RANBP2: variants seen among roughly 807,000 people sequenced by gnomAD.
RANBP2 encodes the protein RAN binding protein 2, also known as E3 SUMO-protein ligase RanBP2.
Under a neutral mutation model 303.6 loss-of-function variants are expected in RANBP2, and 57 were observed. That is an observed-to-expected ratio of 0.19 (90% CI 0.15 to 0.23). The LOEUF (loss-of-function observed/expected upper bound fraction) is 0.23, where lower values mean the gene tolerates loss of function less well. RANBP2 is among the 10% of genes least tolerant of loss of function. The pLI, the probability that RANBP2 is intolerant of heterozygous loss-of-function variation, is 1.00. For missense variants in RANBP2, 3,138 were observed against 3,780.8 expected, an observed-to-expected ratio of 0.83 and a Z score of 4.46; for synonymous variants, 1,167 against 1,301.5, an observed-to-expected ratio of 0.90 and a Z score of 2.23.
Position 108,782,116 on chromosome 2 carries a change from CT to C in RANBP2, c.8761-11del. Reference sequence around the variant, plus strand: ...AGCAGCAGCTTATAGAGAATTTCATCTCCTATTATAGGTAGAAGTAAAATCT... The same window carrying C: ...AGCAGCAGCTTATAGAGAATTTCATCCCTATTATAGGTAGAAGTAAAATCT... On this transcript the variant is annotated splice_polypyrimidine_tract_variant and intron_variant, in intron 26 of 28. Coordinates refer to ENST00000283195, the MANE Select transcript of RANBP2 (RefSeq NM_006267.5). The C allele has an allele frequency of 6.2e-7, 1 of 1,613,058 alleles. No individual in the cohort carries two copies.
chr2:108,843,876 G>GTGTGTGTGTGTGTGTGT, the RANBP2 span, among the ~76,000 whole-genome samples: 2 of 13,870 alleles, frequency 1.4e-4, no homozygotes, highest in Non-Finnish European at 5.6e-4. Flanking sequence ...GTGTGTGTGT[G>GTGTGTGTGTGTGTGTGT]TGTTTCTTTC....
At chr2:109,257,669 G>C in the RANBP2 span, among the ~76,000 whole-genome samples, 1 of 152,156 alleles carries the variant, frequency 6.6e-6, no homozygotes, top group Non-Finnish European at 1.5e-5. Flanking sequence ...TTGCGCTTCA[G>C]GGAAGCCACT....
chr2:108,875,701 TAAAC>T, the RANBP2 span, among the ~76,000 whole-genome samples: 3 of 151,956 alleles, frequency 2.0e-5, no homozygotes, highest in East Asian at 1.9e-4. Flanking sequence ...CTACAAAAAA[TAAAC>T]AAAATTAGCC....
At chr2:109,360,835 C>A in the RANBP2 span, among the ~76,000 whole-genome samples, 1 of 152,124 alleles carries the variant, frequency 6.6e-6, no homozygotes, top group African/African-American at 2.4e-5. Flanking sequence ...ATTGTATTAT[C>A]AAATATTTTT....
chr2:109,568,087 G>C, the RANBP2 span: 3 of 813,904 alleles, frequency 3.7e-6, no homozygotes, highest in Non-Finnish European at 5.7e-6. Flanking sequence ...CCTAAACCTA[G>C]ATCGGGGGGC....
chr2:109,047,600 G>A, the RANBP2 span, among the ~76,000 whole-genome samples: 1 of 152,204 alleles, frequency 6.6e-6, no homozygotes, highest in Non-Finnish European at 1.5e-5. Flanking sequence ...CTTGAAGTCA[G>A]GAATTTGAGA....
the RANBP2 span, among the ~76,000 whole-genome samples, chr2:109,204,497 T>A: frequency 6.6e-6 from 1 of 152,232 alleles, no homozygotes; most frequent in Non-Finnish European, 1.5e-5. Flanking sequence ...ATCTCCCTTA[T>A]TCTAGACTAG....
At chr2:109,449,376 A>G in the RANBP2 span, 1 of 1,611,060 alleles carries the variant, frequency 6.2e-7, no homozygotes, top group Non-Finnish European at 8.5e-7. Context: ...CACACCTCCC[A>G]ACGTCAGTGC....
At chr2:109,521,203 G>A in the RANBP2 span, among the ~76,000 whole-genome samples, 3 of 148,620 alleles carry the variant, frequency 2.0e-5, no homozygotes, top group Admixed American at 6.9e-5. Flanking sequence ...GGGTGACAGA[G>A]CGAGACTCCG....
chr2:109,419,692 C>T, the RANBP2 span: 2 of 1,513,504 alleles, frequency 1.3e-6, no homozygotes, highest in South Asian at 2.4e-5. Flanking sequence ...AGCCCTCCCT[C>T]CTGCCTGGGC....
chr2:109,332,777 T>C, the RANBP2 span, among the ~76,000 whole-genome samples: 1 of 152,170 alleles, frequency 6.6e-6, no homozygotes, highest in Non-Finnish European at 1.5e-5. Context: ...GCACAGGTGC[T>C]AGTGTGGGTG....
chr2:109,532,761 C>T, the RANBP2 span, among the ~76,000 whole-genome samples: 2 of 151,722 alleles, frequency 1.3e-5, no homozygotes, highest in Admixed American at 1.3e-4. Flanking sequence ...AACCTCCTGA[C>T]AGATCTTGTA....
At chr2:109,105,515 T>A in the RANBP2 span, among the ~76,000 whole-genome samples, 6 of 152,190 alleles carry the variant, frequency 3.9e-5, no homozygotes, top group Admixed American at 3.9e-4. Flanking sequence ...CTTCCAGGTA[T>A]ACTTTACTTC....
the RANBP2 span, chr2:109,614,615 A>G: frequency 1 from 1,458,710 of 1,458,710 alleles, 729,355 homozygotes; most frequent in Non-Finnish European, 1. Context: ...GGGGCGCCCT[A>G]GGCGGCGAAC....
At chr2:108,967,627 T>A in the RANBP2 span, among the ~76,000 whole-genome samples, 1 of 151,992 alleles carries the variant, frequency 6.6e-6, no homozygotes, top group Non-Finnish European at 1.5e-5. Flanking sequence ...CCTGACAGAG[T>A]GTGTCTTTGT....
chr2:108,996,821 C>A, the RANBP2 span, among the ~76,000 whole-genome samples: 1 of 152,158 alleles, frequency 6.6e-6, no homozygotes, highest in Non-Finnish European at 1.5e-5. Flanking sequence ...AGATGGTTCT[C>A]CTGCCAGCAG....
chr2:109,374,983 A>G, the RANBP2 span, among the ~76,000 whole-genome samples: 3 of 152,222 alleles, frequency 2.0e-5, no homozygotes, highest in African/African-American at 7.2e-5. Flanking sequence ...AGTGAGCTGA[A>G]GGGCACACAC....
the RANBP2 span, among the ~76,000 whole-genome samples, chr2:109,083,266 C>T: frequency 6.6e-6 from 1 of 152,312 alleles, no homozygotes; most frequent in South Asian, 2.1e-4. Flanking sequence ...GACTGAAACC[C>T]TGTACCCATC....
chr2:109,695,988 G>A, the RANBP2 span, among the ~76,000 whole-genome samples: 1 of 150,850 alleles, frequency 6.6e-6, no homozygotes, highest in South Asian at 2.1e-4. Context: ...TTTTGAGATA[G>A]AGTCTCACTC....
Sources: allele counts gnomAD v4.1 joint callset (sites outside exome capture counted in the v4.1 genomes callset), GRCh38; gene constraint gnomAD v4.1.1; transcripts MANE v1.5; gene names NCBI Gene and HGNC (gene_info 2026-07-23, HGNC 2026-07-21).